GAD2: variants seen among roughly 807,000 people sequenced by gnomAD.
GAD2 encodes 65 kDa glutamic acid decarboxylase.
Under a neutral mutation model 80.1 loss-of-function variants are expected in GAD2, and 22 were observed. The ratio of observed to expected loss-of-function variants is 0.27; its 90% CI spans 0.20 to 0.39. The LOEUF is 0.39. Among genes scored for constraint, GAD2 ranks in the 10% least tolerant of loss-of-function variants. GAD2 has a pLI of 1.00. For missense variants in GAD2, 624 were observed against 738.4 expected (o/e 0.85, Z 1.80); for synonymous variants, 274 against 256.9 (o/e 1.07, Z -0.64).
Position 26,217,686 on chromosome 10 carries a change from C to G in GAD2, c.136+17C>G, listed in dbSNP as rs770903379. The G allele has an allele frequency of 6.2e-7, 1 of 1,612,462 alleles. No individual in the cohort carries two copies. Among genetic ancestry groups the G allele is most frequent in the African/African-American group, 1.3e-5 (1 of 74,924 alleles). ...AACTGTGCGGTGAGTGCCCAGGGAC[C>G]GGGGCGGCCAAGGTCGGCCCGCGGG... On this transcript the variant is annotated intron_variant, in intron 2 of 15. Coordinates refer to ENST00000376261, the MANE Select transcript of GAD2 (RefSeq NM_001134366.2). The surrounding 1 kb of genome is among the most constrained non-coding windows in gnomAD (Gnocchi z 4.9).
intron 12 of GAD2, 85 bp from the exon 13 acceptor site, chr10:26,286,256 TCTTA>T (rs1420989242): frequency 3.5e-5 from 42 of 1,185,342 alleles, no homozygotes; most frequent in Non-Finnish European, 4.9e-5. Context: ...ATGCAATGTC[TCTTA>T]CTTCTTTTTT....
At chr10:26,245,900 A>G in intron 7 of GAD2, 21 bp from the exon 8 acceptor site, 1 of 1,584,774 alleles carries the variant, frequency 6.3e-7, no homozygotes, top group Non-Finnish European at 8.7e-7. Flanking sequence ...CTAATTGCAA[A>G]TATATATATT....
chr10:26,255,748 G>A (rs943148169), intron 8 of GAD2, among the ~76,000 whole-genome samples: 4 of 152,048 alleles, frequency 2.6e-5, no homozygotes, highest in African/African-American at 4.8e-5. Context: ...TTTAATTTTC[G>A]TTATTGAGTT....
At chr10:26,257,705 C>T (rs1844960837) in intron 8 of GAD2, among the ~76,000 whole-genome samples, 1 of 152,150 alleles carries the variant, frequency 6.6e-6, no homozygotes, top group Admixed American at 6.5e-5. Context: ...ACGTATCACT[C>T]CAGCTTTATA....
In GAD2 at chr10:26,256,435, C is replaced by T. The variant is rs181039680; in HGVS notation, c.920+10435C>T. Among the ~76,000 whole-genome samples the T allele has an allele frequency of 2.7e-3, 409 of 152,246 alleles. 1 individual carries two copies. The highest frequency in any genetic ancestry group is 9.3e-3 in the African/African-American group (385 of 41,546). On this transcript the variant is annotated intron_variant, in intron 8 of 15. Coordinates refer to ENST00000376261, the MANE Select transcript of GAD2 (RefSeq NM_001134366.2). The stretch of plus-strand genomic sequence containing the variant: ...TATTATTAAATGTACATACCTTATT[C>T]GTTTCTTCAGTTGTCCCAATAGTAT...
chr10:26,267,805 T>G (rs796405364), intron 8 of GAD2, among the ~76,000 whole-genome samples: 3 of 152,086 alleles, frequency 2.0e-5, no homozygotes, highest in African/African-American at 4.8e-5. Context: ...TAACTTACCC[T>G]TCTCACTATA....
intron 8 of GAD2, among the ~76,000 whole-genome samples, chr10:26,255,914 A>T (rs1048285842): frequency 2.6e-4 from 38 of 144,136 alleles, no homozygotes; most frequent in African/African-American, 9.1e-4. Flanking sequence ...CTGGGGAGGG[A>T]TGGGGAGGAA....
intron 9 of GAD2, among the ~76,000 whole-genome samples, chr10:26,269,492 C>T (rs1298131667): frequency 6.6e-6 from 1 of 152,230 alleles, no homozygotes; most frequent in Non-Finnish European, 1.5e-5. Flanking sequence ...GGGGAAATAG[C>T]AGAATGCTAA....
chr10:26,261,159 G>C (rs571525322), intron 8 of GAD2, among the ~76,000 whole-genome samples: 26 of 152,206 alleles, frequency 1.7e-4, no homozygotes, highest in Admixed American at 1.4e-3. Flanking sequence ...TTCATCTGTT[G>C]TATCTTTTAA....
intron 3 of GAD2, among the ~76,000 whole-genome samples, chr10:26,218,533 A>ACACTCTCT (rs1844411292): frequency 9.8e-6 from 1 of 102,276 alleles, no homozygotes; most frequent in African/African-American, 5.6e-5. Flanking sequence ...ACACATGCAT[A>ACACTCTCT]CGCTCTCTCT....
chr10:26,220,312 T>C (rs1844437097), intron 4 of GAD2, among the ~76,000 whole-genome samples: 1 of 152,256 alleles, frequency 6.6e-6, no homozygotes, highest in Non-Finnish European at 1.5e-5. Flanking sequence ...TTCATCACCA[T>C]AGAAACGTCA....
intron 8 of GAD2, among the ~76,000 whole-genome samples, chr10:26,262,223 G>C (rs912577429): frequency 4.7e-5 from 7 of 150,182 alleles, no homozygotes; most frequent in African/African-American, 1.7e-4. Flanking sequence ...TTTGAGGTGG[G>C]GGCAGATTTT....
intron 15 of GAD2, 26 bp downstream of exon 15, chr10:26,293,017 C>T: frequency 6.4e-7 from 1 of 1,557,078 alleles, no homozygotes; most frequent in Non-Finnish European, 8.9e-7. Context: ...TCCTCTGATA[C>T]ATGTGTGTAT....
intron 11 of GAD2, among the ~76,000 whole-genome samples, chr10:26,277,474 G>A (rs910436890): frequency 5.9e-5 from 9 of 152,206 alleles, no homozygotes; most frequent in Admixed American, 4.6e-4. Context: ...TTTGCTGCAG[G>A]AGCCGTAGTG....
intron 15 of GAD2, among the ~76,000 whole-genome samples, chr10:26,295,644 T>C (rs946572182): frequency 6.6e-6 from 1 of 152,054 alleles, no homozygotes; most frequent in African/African-American, 2.4e-5. Context: ...TTTAAATCAA[T>C]TAAAATTAAA....
At chr10:26,245,670 C>G (rs190074496) in intron 7 of GAD2, among the ~76,000 whole-genome samples, 2 of 152,226 alleles carry the variant, frequency 1.3e-5, no homozygotes, top group East Asian at 3.9e-4. Flanking sequence ...TCTCAAACTC[C>G]TGACCTTGTG....
intron 8 of GAD2, among the ~76,000 whole-genome samples, chr10:26,262,164 T>C (rs1845016471): frequency 1.3e-5 from 2 of 152,070 alleles, no homozygotes; most frequent in Admixed American, 6.6e-5. Context: ...TTAAAGAGCA[T>C]TATATGTTAT....
chr10:26,292,942 G>A lies in GAD2; in HGVS notation c.1535G>A (p.Ser512Asn). 1 of 1,613,920 alleles carries A rather than the reference G, an allele frequency of 6.2e-7. No individual in the cohort carries two copies. The highest frequency in any genetic ancestry group is 8.5e-7 in the Non-Finnish European group (1 of 1,179,938). Residue 512 changes from serine to asparagine, a missense_variant, in exon 15 of 16, where the codon AGC becomes AAC. By Grantham distance (46) the Ser-to-Asn change is conservative (BLOSUM62 1). Coordinates refer to ENST00000376261, the MANE Select transcript of GAD2 (RefSeq NM_001134366.2). ...TNVCFWYIPP[S>N]LRTLEDNEER... ...GTCTGCTTCTGGTACATTCCTCCAAGCTTGCGTACTCTGGAAGACAATGAA... is the reference window on the plus strand; with the variant it reads ...GTCTGCTTCTGGTACATTCCTCCAAACTTGCGTACTCTGGAAGACAATGAA...
At chr10:26,276,516 G>A (rs1845209040) in intron 11 of GAD2, among the ~76,000 whole-genome samples, 3 of 152,028 alleles carry the variant, frequency 2.0e-5, no homozygotes, top group Admixed American at 1.3e-4. Context: ...TGAGTAGCTG[G>A]GGTTACAGGT....
Sources: allele counts gnomAD v4.1 joint callset (sites outside exome capture counted in the v4.1 genomes callset), GRCh38; gene constraint gnomAD v4.1.1; non-coding constraint Gnocchi (gnomAD v3.1); transcripts MANE v1.5; gene names NCBI Gene and HGNC (gene_info 2026-07-23, HGNC 2026-07-21).